Variants in TMOD1 observed in about 807,000 individuals in gnomAD.
The protein encoded by TMOD1 is tropomodulin 1.
Under a neutral mutation model 40.6 loss-of-function variants are expected in TMOD1, and 17 were observed. The ratio of observed to expected loss-of-function variants is 0.42; its 90% CI spans 0.29 to 0.63. The LOEUF (loss-of-function observed/expected upper bound fraction) is 0.63. Among genes scored for constraint, TMOD1 ranks in the 20% least tolerant of loss-of-function variants. The probability of loss-of-function intolerance (pLI) is 0.22; values close to 1 mark genes in which losing one functional copy is unlikely to be tolerated. For synonymous variants in TMOD1, 181 were observed against 175.0 expected (o/e 1.03, Z -0.27); for missense variants, 391 against 447.6 (o/e 0.87, Z 1.14).
chr9:97,528,604 C>T (rs1424135410), intron 2 of TMOD1, among the ~76,000 whole-genome samples: 1 of 152,208 alleles, frequency 6.6e-6, no homozygotes, highest in African/African-American at 2.4e-5. Flanking sequence ...TTGGAGAGCA[C>T]AAACATTCCA....
chr9:97,581,920 C>A (rs1172707985), intron 8 of TMOD1, among the ~76,000 whole-genome samples: 5 of 148,220 alleles, frequency 3.4e-5, no homozygotes, highest in Non-Finnish European at 7.5e-5. Flanking sequence ...GAGTAGGTTG[C>A]GAAAATTTTC....
At chr9:97,577,064 A>G (rs1052564465) in intron 8 of TMOD1, among the ~76,000 whole-genome samples, 1 of 152,204 alleles carries the variant, frequency 6.6e-6, no homozygotes. Context: ...ATTTATTCAC[A>G]AGTGGTTTTT....
intron 1 of TMOD1, among the ~76,000 whole-genome samples, chr9:97,522,065 G>A (rs183070452): frequency 6.6e-6 from 1 of 152,302 alleles, no homozygotes; most frequent in East Asian, 1.9e-4. Context: ...CTTGCATGGA[G>A]GTCTAAATAC....
At chr9:97,566,829 C>G (rs779252721) in intron 7 of TMOD1, among the ~76,000 whole-genome samples, 2 of 148,776 alleles carry the variant, frequency 1.3e-5, no homozygotes, top group African/African-American at 4.8e-5. Context: ...TCTTTTTAAA[C>G]ATCCAGCACA....
Position 97,600,117 on chromosome 9 carries a change from T to A in TMOD1, c.*419T>A, listed in dbSNP as rs1438069658. 2 of 1,006,182 alleles carry A rather than the reference T, an allele frequency of 2.0e-6. No homozygotes were observed. Among genetic ancestry groups the A allele is most frequent in the African/African-American group, 3.4e-5 (2 of 58,100 alleles). 62.3% of individuals were successfully genotyped at this position (1,006,182 alleles called of 1,614,324 possible). ...ATTATAAAACACTTTATTACAAATT[T>A]GTCTTAGCTATTAGCAAATAAAACT... On this transcript the variant is annotated 3_prime_UTR_variant, in exon 10 of 10. Transcript: ENST00000259365.
chr9:97,551,312 C>G (rs1387767807), intron 3 of TMOD1, among the ~76,000 whole-genome samples: 3 of 152,170 alleles, frequency 2.0e-5, no homozygotes, highest in Non-Finnish European at 4.4e-5. Flanking sequence ...GCATGAGCCA[C>G]TGCGCCCAGC....
chr9:97,598,640 G>C (rs1332652074), intron 9 of TMOD1, among the ~76,000 whole-genome samples: 3 of 152,184 alleles, frequency 2.0e-5, no homozygotes, highest in Non-Finnish European at 2.9e-5. Context: ...TGGACATTCT[G>C]ATCATCTAAG....
chr9:97,525,020 C>T (rs1829987729), intron 2 of TMOD1, among the ~76,000 whole-genome samples: 1 of 152,182 alleles, frequency 6.6e-6, no homozygotes, highest in Admixed American at 6.5e-5. Flanking sequence ...TTAACCATCA[C>T]AGTCTACCCC....
chr9:97,533,151 A>G (rs1450374014), intron 2 of TMOD1, among the ~76,000 whole-genome samples: 1 of 152,268 alleles, frequency 6.6e-6, no homozygotes, highest in Non-Finnish European at 1.5e-5. Context: ...ATTTAAATGC[A>G]CAGACCAAAC....
intron 1 of TMOD1, among the ~76,000 whole-genome samples, chr9:97,512,051 T>G (rs1307872433): frequency 1.3e-5 from 2 of 152,214 alleles, no homozygotes; most frequent in Non-Finnish European, 2.9e-5. Context: ...TGTGACCATG[T>G]TCCTCCTGGT....
chr9:97,555,508 T>C (rs1003727564), intron 4 of TMOD1: 169 of 1,447,026 alleles, frequency 1.2e-4, no homozygotes, highest in Non-Finnish European at 1.5e-4. Context: ...TTTATTTTTG[T>C]TGGCGTGGCT....
chr9:97,596,442 T>A (rs1407013671), intron 9 of TMOD1, among the ~76,000 whole-genome samples: 1 of 152,242 alleles, frequency 6.6e-6, no homozygotes, highest in Non-Finnish European at 1.5e-5. Flanking sequence ...TGTTAGAGAC[T>A]GTTCTGAATA....
chr9:97,518,165 G>A (rs1357767964), intron 1 of TMOD1, among the ~76,000 whole-genome samples: 5 of 152,188 alleles, frequency 3.3e-5, no homozygotes, highest in African/African-American at 1.2e-4. Context: ...CTGCACCTGT[G>A]AATGTGACCT....
chr9:97,543,619 C>T (rs1341360150), intron 2 of TMOD1, among the ~76,000 whole-genome samples: 1 of 152,228 alleles, frequency 6.6e-6, no homozygotes, highest in Admixed American at 6.5e-5. Flanking sequence ...ATCATTATTA[C>T]TCCAAGTCAG....
chr9:97,585,876 C>A (rs1262767227), intron 8 of TMOD1, among the ~76,000 whole-genome samples: 1 of 137,042 alleles, frequency 7.3e-6, no homozygotes, highest in South Asian at 2.3e-4. Context: ...AAGCACTTCT[C>A]TGTATTGGTT....
chr9:97,583,881 T>G (rs1825810916), intron 8 of TMOD1, among the ~76,000 whole-genome samples: 1 of 149,116 alleles, frequency 6.7e-6, no homozygotes, highest in Non-Finnish European at 1.5e-5. Context: ...GTCTATTTGA[T>G]TCTTCTCTCT....
rs751262566 is a variant in TMOD1 at position 97,546,306 on chromosome 9, G to A, written c.242G>A (p.Arg81Gln). 1.1e-5 allele frequency: 18 copies of A among 1,613,992 alleles called. No individual in the cohort carries two copies. The highest frequency in any genetic ancestry group is 2.2e-5 in the East Asian group (1 of 44,868). The change falls in exon 3 of 10, where the codon CGA becomes CAA. Residue 81 changes from arginine (R) to glutamine (Q), a missense_variant. Physicochemically the swap from Arg to Gln is conservative, Grantham distance 43. Transcript: ENST00000259365. ...LEKQAKEFKD[R>Q]EDLVPYTGEK... The stretch of plus-strand genomic sequence containing the variant: ...AAGCAAGCAAAGGAGTTTAAGGACC[G>A]AGAAGATCTGGTCCCCTACACAGGG...
At chr9:97,523,501 T>C (rs1465857418) in intron 1 of TMOD1, among the ~76,000 whole-genome samples, 3 of 152,220 alleles carry the variant, frequency 2.0e-5, no homozygotes, top group East Asian at 3.8e-4. Flanking sequence ...TTCCTAGTAG[T>C]GTCGTTTGGG....
intron 1 of TMOD1, among the ~76,000 whole-genome samples, chr9:97,520,708 G>A (rs918541322): frequency 2.6e-5 from 4 of 152,202 alleles, no homozygotes; most frequent in African/African-American, 9.7e-5. Context: ...CTTGGGGTGT[G>A]TATGTGGTGC....
Sources: gnomAD v4.1 joint callset for allele counts (sites outside exome capture counted in the v4.1 genomes callset) on GRCh38, gnomAD v4.1.1 for gene constraint, MANE v1.5 for transcripts, NCBI Gene and HGNC (gene_info 2026-07-23, HGNC 2026-07-21) for gene names.